The following SULT1A1 variants were observed in gnomAD, a reference collection of about 807,000 sequenced individuals.
The protein encoded by SULT1A1 is sulfotransferase family 1A member 1.
Under a neutral mutation model 36.8 loss-of-function variants are expected in SULT1A1, and 35 were observed. The ratio of observed to expected loss-of-function variants is 0.95; its 90% CI spans 0.73 to 1.26. The LOEUF (loss-of-function observed/expected upper bound fraction) is 1.26, where lower values mean the gene tolerates loss of function less well. Among genes scored for constraint, SULT1A1 ranks in the 50% most tolerant of loss-of-function variants. The pLI is 0.00. For synonymous variants in SULT1A1, 119 were observed against 146.0 expected (o/e 0.82, Z 1.33); for missense variants, 309 against 383.0 (o/e 0.81, Z 1.61).
At chr16:28,623,018 C>T in intron 1 of SULT1A1, 1 of 1,395,820 alleles carries the variant, frequency 7.2e-7, no homozygotes, top group South Asian at 1.4e-5. Flanking sequence ...CGGCTCCTGC[C>T]CGGGTCCCCA....
At chr16:28,620,967 G>T (rs8049739) in intron 1 of SULT1A1, among the ~76,000 whole-genome samples, 2 of 151,716 alleles carry the variant, frequency 1.3e-5, no homozygotes, top group South Asian at 2.1e-4. Flanking sequence ...AAAATTAGCT[G>T]GGTGTGGTGG....
chr16:28,620,619 A>G (rs764995514), intron 1 of SULT1A1, among the ~76,000 whole-genome samples: 32 of 152,026 alleles, frequency 2.1e-4, no homozygotes, highest in Non-Finnish European at 3.5e-4. Context: ...GAAAATTTTA[A>G]AGGAATGATA....
chr16:28,606,777 T>A lies in SULT1A1; in HGVS notation c.578A>T (p.Tyr193Phe), dbSNP rs1376770585. The change falls in exon 6 of 8, where the codon TAT (tyrosine) becomes TTT (phenylalanine). Residue 193 changes from tyrosine to phenylalanine, a missense_variant. Physicochemically the swap from Tyr to Phe is conservative, Grantham distance 22 (BLOSUM62 3). Around this residue, in one of 3 missense-constraint regions of SULT1A1, gnomAD observed 219 missense variants for 215.3 expected, o/e 1.02. Coordinates refer to ENST00000314752, the MANE Select transcript of SULT1A1 (RefSeq NM_001055.4). The stretch of plus-strand genomic sequence containing the variant: ...TGGTCTCACCTCCTTCATGTCTTCA[T>A]AGAAGAGGTAGAGAACAGGGTGGGT... ...SRTHPVLYLF[Y>F]EDMKENPKRE... The A allele has an allele frequency of 6.2e-7, 1 of 1,612,206 alleles. No homozygotes were observed. The highest frequency in any genetic ancestry group is 1.3e-5 in the African/African-American group (1 of 74,822).
chr16:28,609,269 A>G lies in SULT1A1; in HGVS notation c.-4-410T>C, dbSNP rs967489393. 33 of 1,249,502 alleles carry G rather than the reference A, an allele frequency of 2.6e-5. 1 individual carries two copies. The African/African-American group carries it at 5.0e-4, about 19-fold the overall frequency. 77.4% of individuals were successfully genotyped at this position (1,249,502 alleles called of 1,614,324 possible). A position where few individuals can be genotyped will look rare whatever the true frequency, so the allele number is the denominator to read the frequency against. On this transcript the variant is annotated intron_variant, in intron 1 of 7. Coordinates refer to ENST00000314752, the MANE Select transcript of SULT1A1 (RefSeq NM_001055.4). ...CTCACCACTTCCTGCTGGGACCCCC[A>G]GCCTCCACCCAGTGGAGATGCTCCC...
chr16:28,620,001 G>A (rs1350804169), intron 2 of SULT1A1: 3 of 1,387,670 alleles, frequency 2.2e-6, no homozygotes, highest in Non-Finnish European at 3.1e-6. Context: ...TATTGTGTGT[G>A]TGTGTGTGTG....
At chr16:28,623,212 G>C (rs983566196) in exon 1 of SULT1A1, 4 of 1,545,380 alleles carry the variant, frequency 2.6e-6, no homozygotes, top group Admixed American at 2.0e-5. Flanking sequence ...CGCGGCGCTC[G>C]GCCCGGGAGC....
chr16:28,608,179 G>A (rs1172380390), intron 4 of SULT1A1, 112 bp downstream of exon 4: 3 of 1,435,026 alleles, frequency 2.1e-6, no homozygotes, highest in Non-Finnish European at 2.9e-6. Context: ...TAGAGACAAG[G>A]TTCTTCTATG....
At position 28,606,306 on chromosome 16, in the gene SULT1A1, C is replaced by T. The variant is rs2047183999; in HGVS notation, c.595-70G>A. ...CAGGAAAAGTAAAAGGGGTCCCCTT[C>T]TCTAACCTCAGAGGCGATCTGGCCA... On this transcript the variant is annotated intron_variant, in intron 6 of 7. Coordinates refer to ENST00000314752, the MANE Select transcript of SULT1A1 (RefSeq NM_001055.4). The T allele has an allele frequency of 1.2e-5, 19 of 1,607,848 alleles. No homozygotes were observed. In the South Asian group the frequency reaches 2.0e-4, roughly 17 times the overall value.
chr16:28,608,647 A>C, intron 2 of SULT1A1, 44 bp from the exon 3 acceptor site: 1 of 1,611,080 alleles, frequency 6.2e-7, no homozygotes, highest in Non-Finnish European at 8.5e-7. Context: ...TGAGGGCACG[A>C]CCTCGCTGGC....
In SULT1A1 at chr16:28,609,994, G is replaced by T; in HGVS notation, c.-68C>A. ...CGCAGTGGCTGATTGTGGGTGTTGT[G>T]TGGGGAATGCAGGGTTGTTCTCTGA... On this transcript the variant is annotated 5_prime_UTR_variant, in exon 1 of 8. Transcript: ENST00000314752. The T allele has an allele frequency of 7.8e-7, 1 of 1,287,860 alleles. No homozygotes were observed. The highest frequency in any genetic ancestry group is 1.2e-5 in the South Asian group (1 of 80,962). 79.8% of individuals were successfully genotyped at this position (1,287,860 alleles called of 1,614,324 possible).
intron 1 of SULT1A1, among the ~76,000 whole-genome samples, chr16:28,621,482 CAAAAAAAAAAA>C (rs59910514): frequency 6.7e-5 from 4 of 59,544 alleles, no homozygotes; most frequent in Non-Finnish European, 1.1e-4. Context: ...GACTCTGTCT[CAAAAAAAAAAA>C]AAAAAAAAAA....
intron 2 of SULT1A1, among the ~76,000 whole-genome samples, chr16:28,617,691 G>A (rs1190384197): frequency 1.3e-5 from 2 of 152,064 alleles, no homozygotes; most frequent in African/African-American, 2.4e-5. Context: ...ACAGGCACCC[G>A]CCACCATGCC....
At chr16:28,618,815 T>C (rs1465125683) in intron 2 of SULT1A1, among the ~76,000 whole-genome samples, 1 of 152,186 alleles carries the variant, frequency 6.6e-6, no homozygotes, top group Non-Finnish European at 1.5e-5. Flanking sequence ...CCTGAAAACA[T>C]TGGCTCTGAA....
At chr16:28,609,580 C>G in intron 1 of SULT1A1, 2 of 429,784 alleles carry the variant, frequency 4.7e-6, no homozygotes, top group Non-Finnish European at 8.1e-6. Flanking sequence ...GACCCCATCT[C>G]TAAAAATCTT....
intron 4 of SULT1A1, 121 bp downstream of exon 4, chr16:28,608,170 A>C: frequency 1.9e-5 from 26 of 1,373,014 alleles, no homozygotes; most frequent in South Asian, 2.7e-5. Context: ...TATTTTTAGT[A>C]GAGACAAGGT....
At position 28,606,958 on chromosome 16, in the gene SULT1A1, G is replaced by A. The variant is rs754451964; in HGVS notation, c.492C>T (p.Val164=). The A allele has an allele frequency of 8.5e-5, 137 of 1,612,344 alleles. 3 individuals are homozygous for A. Among genetic ancestry groups the A allele is most frequent in the Non-Finnish European group, 1.1e-4 (127 of 1,178,700 alleles). The part of the protein sequence containing the change: ...TWDSFLEKFM[V]GEVSYGSWYQ... ...TCCTCCCATCAAACCCACCTTCTCC[G>A]ACCATGAACTTCTCCAGGAAGCTGT... The change falls in exon 5 of 8, where the codon GTC becomes GTT. Residue 164 remains valine (V), a synonymous_variant. Coordinates refer to ENST00000314752, the MANE Select transcript of SULT1A1 (RefSeq NM_001055.4).
At chr16:28,617,815 T>C (rs539027650) in intron 2 of SULT1A1, among the ~76,000 whole-genome samples, 33 of 151,690 alleles carry the variant, frequency 2.2e-4, no homozygotes, top group Non-Finnish European at 4.6e-4. Context: ...CAGGTGTGAG[T>C]TGTCGTGCCC....
intron 1 of SULT1A1, chr16:28,609,236 C>A (rs35837227): frequency 3.1e-6 from 4 of 1,271,926 alleles, no homozygotes; most frequent in African/African-American, 3.0e-5. Context: ...CCAGCCAGCG[C>A]CCTTTGTCTC....
chr16:28,615,679 A>T (rs1422727091), intron 2 of SULT1A1, among the ~76,000 whole-genome samples: 3 of 152,186 alleles, frequency 2.0e-5, no homozygotes, highest in Non-Finnish European at 4.4e-5. Context: ...CAATATGCAG[A>T]GACTGGTAGT....
Sources: gnomAD v4.1 joint callset for allele counts (sites outside exome capture counted in the v4.1 genomes callset) on GRCh38, gnomAD v4.1.1 for gene constraint, gnomAD v4.1.1 regional missense constraint, MANE v1.5 for transcripts, NCBI Gene and HGNC (gene_info 2026-07-23, HGNC 2026-07-21) for gene names.